Variants in CSPP1 observed in about 807,000 individuals in gnomAD.
The protein encoded by CSPP1 is centrosome and spindle pole-associated protein 1.
A neutral mutation model predicts 164.4 loss-of-function variants in CSPP1; 126 were observed. That is an observed-to-expected ratio of 0.77 (90% CI 0.66 to 0.89). CSPP1 has a LOEUF of 0.89. CSPP1 is among the 40% of genes least tolerant of loss of function. CSPP1 has a pLI of 0.00. For missense variants in CSPP1, 1,395 were observed against 1,449.8 expected (o/e 0.96, Z 0.61); for synonymous variants, 472 against 476.7 (o/e 0.99, Z 0.13).
At position 67,095,350 on chromosome 8, in the gene CSPP1, C is replaced by T; in HGVS notation, c.541C>T (p.Gln181Ter). Residue 181 changes from glutamine (Q) to a stop codon, truncating the protein, a stop_gained, in exon 7 of 31, where the codon CAA becomes TAA. Coordinates refer to ENST00000678616, the MANE Select transcript of CSPP1 (RefSeq NM_001382391.1). LOFTEE classifies it high-confidence loss of function. The part of the protein sequence containing the change: ...IGQVKPDLTS[Q>*]IQTSCENSEG... ...TCAAGTTAAGCCTGATCTAACTTCA[C>T]AAATACAGACATCTTGTGAAAATTC... 6.2e-7 allele frequency: 1 copy of T among 1,604,834 alleles called. No individual in the cohort carries two copies. The highest frequency in any genetic ancestry group is 8.5e-7 in the Non-Finnish European group (1 of 1,177,642).
intron 16 of CSPP1, chr8:67,135,456 T>C (rs972464465): frequency 7.2e-5 from 11 of 152,138 alleles, no homozygotes; most frequent in African/African-American, 2.7e-4. Context: ...GCCCAGCCCA[T>C]GTTGTACTTT....
chr8:67,088,540 G>A (rs1563521264), intron 4 of CSPP1, among the ~76,000 whole-genome samples: 1 of 149,208 alleles, frequency 6.7e-6, no homozygotes, highest in African/African-American at 2.4e-5. Context: ...TGCCCACTTC[G>A]GCCTCCTAAA....
intron 3 of CSPP1, among the ~76,000 whole-genome samples, chr8:67,078,666 A>G (rs79494338): frequency 0.021 from 3,228 of 151,520 alleles, 104 homozygotes; most frequent in African/African-American, 0.073. Context: ...CTGGCCTTCC[A>G]TCTTTTTAAA....
chr8:67,073,249 A>G (rs985860822), intron 1 of CSPP1, among the ~76,000 whole-genome samples: 1 of 152,184 alleles, frequency 6.6e-6, no homozygotes, highest in South Asian at 2.1e-4. Context: ...TAACATCACT[A>G]ACAAGGGGCA....
At chr8:67,091,001 A>AT (rs964731266) in intron 4 of CSPP1, among the ~76,000 whole-genome samples, 3 of 151,988 alleles carry the variant, frequency 2.0e-5, no homozygotes, top group Admixed American at 6.6e-5. Context: ...GATCATATGT[A>AT]TTTTTTTACC....
At position 67,118,720 on chromosome 8, in the gene CSPP1, TG is replaced by T. The variant is rs781063875; in HGVS notation, c.1619-22del. The T allele has an allele frequency of 5.9e-6, 9 of 1,528,614 alleles. No individual in the cohort carries two copies. In the East Asian group the frequency reaches 1.1e-4, roughly 19 times the overall value. 94.7% of individuals were successfully genotyped at this position (1,528,614 alleles called of 1,614,324 possible). A position where few individuals can be genotyped will look rare whatever the true frequency, so the allele number is the denominator to read the frequency against. On this transcript the variant is annotated intron_variant, in intron 14 of 30. Transcript: ENST00000678616. ...ATGATTATTCTAAATAAACTTTTTT[TG>T]TTTTTTTGTTTTTTCTTTAAGATGG...
intron 24 of CSPP1, among the ~76,000 whole-genome samples, chr8:67,168,192 C>T (rs903781127): frequency 1.3e-5 from 2 of 152,020 alleles, no homozygotes; most frequent in African/African-American, 4.8e-5. Context: ...AGGCACTTGG[C>T]AGGCTGAGGC....
chr8:67,070,664 G>A (rs1461535626), intron 1 of CSPP1, among the ~76,000 whole-genome samples: 1 of 150,734 alleles, frequency 6.6e-6, no homozygotes, highest in African/African-American at 2.4e-5. Context: ...AAAGAAATTG[G>A]CCAGAATTTA....
At chr8:67,097,919 A>C (rs1813165786) in intron 7 of CSPP1, among the ~76,000 whole-genome samples, 1 of 151,878 alleles carries the variant, frequency 6.6e-6, no homozygotes, top group Admixed American at 6.6e-5. Flanking sequence ...TCTTCAATAT[A>C]TAAATCATAT....
At chr8:67,149,378 A>G (rs1825235034) in intron 17 of CSPP1, among the ~76,000 whole-genome samples, 1 of 152,224 alleles carries the variant, frequency 6.6e-6, no homozygotes, top group African/African-American at 2.4e-5. Flanking sequence ...ATTTGTGAAT[A>G]TATTTTAAAA....
intron 28 of CSPP1, among the ~76,000 whole-genome samples, chr8:67,189,805 T>G (rs756217203): frequency 2.0e-5 from 3 of 152,212 alleles, no homozygotes; most frequent in Non-Finnish European, 4.4e-5. Flanking sequence ...CTAATGGTGA[T>G]TCTAAGTATT....
Position 67,172,558 on chromosome 8 carries a change from G to A in CSPP1, c.2968+3G>A, listed in dbSNP as rs1452111970. The A allele has an allele frequency of 1.2e-6, 2 of 1,608,644 alleles. No homozygotes were observed. Among genetic ancestry groups the A allele is most frequent in the East Asian group, 4.5e-5 (2 of 44,774 alleles). On this transcript the variant is annotated splice_donor_region_variant and intron_variant, in intron 25 of 30. Coordinates refer to ENST00000678616, the MANE Select transcript of CSPP1 (RefSeq NM_001382391.1). ...TTTTAATGAGCTGAAAGATAGAGGT[G>A]AGTAGATTGCTGCTCTTTTAAAGAT...
intron 9 of CSPP1, 139 bp downstream of exon 9, chr8:67,106,114 ACTATT>A (rs1456225341): frequency 5.2e-6 from 3 of 581,324 alleles, no homozygotes; most frequent in Admixed American, 6.3e-5. Context: ...TACACTAGGT[ACTATT>A]CTAATCATTT....
chr8:67,169,817 T>G (rs1044931398), intron 24 of CSPP1, among the ~76,000 whole-genome samples: 1 of 151,970 alleles, frequency 6.6e-6, no homozygotes, highest in Non-Finnish European at 1.5e-5. Context: ...GGCATGATCT[T>G]GGCTCACAGC....
At chr8:67,182,654 G>T (rs1182875510) in intron 28 of CSPP1, among the ~76,000 whole-genome samples, 1 of 152,126 alleles carries the variant, frequency 6.6e-6, no homozygotes, top group African/African-American at 2.4e-5. Context: ...TTGTTACTTT[G>T]TTTTTTGAAT....
Position 67,193,539 on chromosome 8 carries a change from AGAGT to A in CSPP1, c.3410_3413del (p.Val1137GlufsTer9). On this transcript the variant is annotated frameshift_variant, in exon 30 of 31. Transcript: ENST00000678616. LOFTEE classifies it high-confidence loss of function. Reference sequence around the variant, plus strand: ...ATCCAGTGTAAATGTTGATGAGCTTAGAGTGAGAAATGAGGAACGAATGCGAAGA... The same window carrying A: ...ATCCAGTGTAAATGTTGATGAGCTTAGAGAAATGAGGAACGAATGCGAAGA... 6.2e-7 allele frequency: 1 copy of A among 1,613,430 alleles called. No homozygotes were observed. The highest frequency in any genetic ancestry group is 8.5e-7 in the Non-Finnish European group (1 of 1,179,324).
chr8:67,073,166 A>ATGGTACT (rs1254858645), intron 1 of CSPP1, among the ~76,000 whole-genome samples: 1 of 152,206 alleles, frequency 6.6e-6, no homozygotes, highest in Non-Finnish European at 1.5e-5. Flanking sequence ...GAATGTAAAT[A>ATGGTACT]TGGTACTTTG....
intron 17 of CSPP1, among the ~76,000 whole-genome samples, chr8:67,145,520 C>CTTTTTTTTTTTTT (rs1053090081): frequency 7.0e-6 from 1 of 143,626 alleles, no homozygotes; most frequent in African/African-American, 2.6e-5. Flanking sequence ...TAATTTCTTT[C>CTTTTTTTTTTTTT]TTTTTTTTTT....
At chr8:67,169,902 C>T (rs1007041792) in intron 24 of CSPP1, among the ~76,000 whole-genome samples, 3 of 152,062 alleles carry the variant, frequency 2.0e-5, no homozygotes, top group Non-Finnish European at 4.4e-5. Flanking sequence ...TGCAGGCTAC[C>T]ACACCTGCTA....
Sources: allele counts gnomAD v4.1 joint callset (sites outside exome capture counted in the v4.1 genomes callset), GRCh38; gene constraint gnomAD v4.1.1; transcripts MANE v1.5; gene names NCBI Gene and HGNC (gene_info 2026-07-23, HGNC 2026-07-21).